The following CSMD1 variants were observed in gnomAD, a reference collection of about 807,000 sequenced individuals.
CSMD1 encodes the protein CUB and Sushi multiple domains 1, also known as CUB and sushi domain-containing protein 1.
A neutral mutation model predicts 417.5 loss-of-function variants in CSMD1; 213 were observed. That is an observed-to-expected ratio of 0.51 (90% CI 0.46 to 0.57). The LOEUF (loss-of-function observed/expected upper bound fraction) is 0.57, where lower values mean the gene tolerates loss of function less well. Among genes scored for constraint, CSMD1 ranks in the 20% least tolerant of loss-of-function variants. CSMD1 has a pLI of 0.00. For synonymous variants in CSMD1, 2,862 were observed against 1,736.8 expected (o/e 1.65, Z -16.11); for missense variants, 6,923 against 4,529.7 (o/e 1.53, Z -15.17).
intron 6 of CSMD1, among the ~76,000 whole-genome samples, chr8:3,748,821 G>T (rs1348011399): frequency 6.6e-6 from 1 of 152,114 alleles, no homozygotes; most frequent in Admixed American, 6.5e-5. Context: ...ATAGTTATAG[G>T]GAACTATAAC....
At chr8:4,253,400 A>C (rs1803221746) in intron 3 of CSMD1, among the ~76,000 whole-genome samples, 1 of 150,778 alleles carries the variant, frequency 6.6e-6, no homozygotes, top group African/African-American at 2.4e-5. Flanking sequence ...CCATAATCTC[A>C]AATTTATATA....
intron 1 of CSMD1, among the ~76,000 whole-genome samples, chr8:4,981,859 G>C (rs1401698664): frequency 2.0e-5 from 3 of 152,170 alleles, no homozygotes; most frequent in Non-Finnish European, 4.4e-5. Flanking sequence ...TGGAATTGTA[G>C]CACTCAACTG....
At chr8:4,050,547 T>A (rs1041702052) in intron 3 of CSMD1, among the ~76,000 whole-genome samples, 1 of 152,190 alleles carries the variant, frequency 6.6e-6, no homozygotes, top group African/African-American at 2.4e-5. Flanking sequence ...GCATTTATTC[T>A]TCATGTTACA....
intron 49 of CSMD1, among the ~76,000 whole-genome samples, chr8:3,071,528 T>C (rs918147638): frequency 3.3e-5 from 5 of 152,156 alleles, no homozygotes; most frequent in Admixed American, 3.3e-4. Context: ...AATAAAATGA[T>C]AAAATGTATG....
At chr8:3,980,131 T>C (rs1043394158) in intron 5 of CSMD1, among the ~76,000 whole-genome samples, 5 of 71,404 alleles carry the variant, frequency 7.0e-5, no homozygotes, top group African/African-American at 1.6e-4. Flanking sequence ...TTTATCATTG[T>C]ATAGTGCTGT....
intron 3 of CSMD1, among the ~76,000 whole-genome samples, chr8:4,313,617 A>G (rs1798753759): frequency 6.6e-6 from 1 of 152,142 alleles, no homozygotes; most frequent in Non-Finnish European, 1.5e-5. Context: ...TGTTTTAAAC[A>G]TGCAGATGCC....
chr8:3,953,917 G>C (rs1232685904), intron 5 of CSMD1, among the ~76,000 whole-genome samples: 1 of 152,212 alleles, frequency 6.6e-6, no homozygotes, highest in African/African-American at 2.4e-5. Flanking sequence ...CCACTGTCTG[G>C]AACGGCCCTG....
rs1284614994 is a variant in CSMD1 at position 3,750,375 on chromosome 8, A to G, written c.931+3555T>C. ...ATATGATTCAGGTTAAATATACGATATATATGATTCAAGTTGTTTGACAAC... is the reference window on the plus strand; with the variant it reads ...ATATGATTCAGGTTAAATATACGATGTATATGATTCAAGTTGTTTGACAAC... On this transcript the variant is annotated intron_variant, in intron 6 of 69. Transcript: ENST00000635120. Among the ~76,000 whole-genome samples, 3 of 150,596 alleles carry G rather than the reference A, an allele frequency of 2.0e-5. No homozygotes were observed. The East Asian group carries it at 5.8e-4, about 29-fold the overall frequency.
rs145180966 is a variant in CSMD1, at chr8:4,015,009, C to G, written c.610+16896G>C. 4.6e-5 allele frequency among the ~76,000 whole-genome samples: 7 copies of G among 152,232 alleles called. No homozygotes were observed. In the South Asian group the frequency reaches 8.3e-4, roughly 18 times the overall value. ...CAGCAAATATGCAAACCACGTAGAC[C>G]AGGTTTACTAGAATCTAAGACTGAT... On this transcript the variant is annotated intron_variant, in intron 4 of 69. Transcript: ENST00000635120.
rs1377975687 is a variant in CSMD1, at chr8:4,008,177, T to A, written c.611-10067A>T. On this transcript the variant is annotated intron_variant, in intron 4 of 69. Transcript: ENST00000635120. ...GCAAAACATTTTAAAAGGACAAATATGAGCAAGCTACAGGGCAGCTGGAAA... is the reference window on the plus strand; with the variant it reads ...GCAAAACATTTTAAAAGGACAAATAAGAGCAAGCTACAGGGCAGCTGGAAA... Among the ~76,000 whole-genome samples, 3 of 152,240 alleles carry A rather than the reference T, an allele frequency of 2.0e-5. No individual in the cohort carries two copies. In the East Asian group the frequency reaches 5.8e-4, roughly 29 times the overall value.
chr8:4,812,365 G>A (rs928649494), intron 1 of CSMD1, among the ~76,000 whole-genome samples: 14 of 152,136 alleles, frequency 9.2e-5, no homozygotes, highest in Non-Finnish European at 1.8e-4. Context: ...CAAACATTCA[G>A]TTAGATAGAA....
At chr8:4,241,692 G>C (rs776755393) in intron 3 of CSMD1, among the ~76,000 whole-genome samples, 9 of 144,800 alleles carry the variant, frequency 6.2e-5, no homozygotes, top group Admixed American at 1.4e-4. Flanking sequence ...ATGGGATTTG[G>C]AGTGATTTTT....
At chr8:4,544,689 T>C (rs1194423988) in intron 2 of CSMD1, among the ~76,000 whole-genome samples, 1 of 152,222 alleles carries the variant, frequency 6.6e-6, no homozygotes, top group Non-Finnish European at 1.5e-5. Flanking sequence ...AGCCAGGGTG[T>C]ATTACAATGT....
At chr8:4,976,335 A>C (rs541465522) in intron 1 of CSMD1, among the ~76,000 whole-genome samples, 2 of 152,188 alleles carry the variant, frequency 1.3e-5, no homozygotes, top group Admixed American at 1.3e-4. Context: ...TCCTTCTCTC[A>C]GTTTCTTTCA....
intron 25 of CSMD1, among the ~76,000 whole-genome samples, chr8:3,289,768 C>G (rs1325939675): frequency 6.8e-6 from 1 of 147,142 alleles, no homozygotes; most frequent in African/African-American, 2.7e-5. Flanking sequence ...TTCTCCCATT[C>G]TGTAGGTTGC....
At chr8:3,942,510 T>G (rs1037904014) in intron 5 of CSMD1, among the ~76,000 whole-genome samples, 1 of 152,162 alleles carries the variant, frequency 6.6e-6, no homozygotes, top group Non-Finnish European at 1.5e-5. Flanking sequence ...TCAGGGACTA[T>G]AACCCTCAAC....
chr8:3,361,407 T>C (rs1017982183), intron 20 of CSMD1, among the ~76,000 whole-genome samples: 2 of 151,742 alleles, frequency 1.3e-5, no homozygotes, highest in African/African-American at 4.8e-5. Context: ...GGCGGGTGGA[T>C]CATGAGGTCA....
chr8:3,445,880 C>T (rs1206202192), intron 12 of CSMD1, among the ~76,000 whole-genome samples: 1 of 149,576 alleles, frequency 6.7e-6, no homozygotes, highest in African/African-American at 2.6e-5. Context: ...ATAGAAATAG[C>T]AAAAGCGTAA....
At chr8:4,426,024 A>G (rs1034313964) in intron 2 of CSMD1, among the ~76,000 whole-genome samples, 1 of 152,056 alleles carries the variant, frequency 6.6e-6, no homozygotes, top group Admixed American at 6.6e-5. Flanking sequence ...TGTGTTTTCC[A>G]AATCTCCAAG....
Sources: allele counts gnomAD v4.1 joint callset (sites outside exome capture counted in the v4.1 genomes callset), GRCh38; gene constraint gnomAD v4.1.1; transcripts MANE v1.5; gene names NCBI Gene and HGNC (gene_info 2026-07-23, HGNC 2026-07-21).